Variants in PDPN observed in about 807,000 individuals in gnomAD.
PDPN encodes the protein PA2.26 antigen.
A neutral mutation model predicts 23.2 loss-of-function variants in PDPN; 12 were observed. That is an observed-to-expected ratio of 0.52 (90% confidence interval 0.33 to 0.84). PDPN has a LOEUF of 0.84. PDPN is among the 40% of genes least tolerant of loss of function. The probability of loss-of-function intolerance (pLI) is 0.02; values close to 1 mark genes in which losing one functional copy is unlikely to be tolerated. For missense variants in PDPN, 199 were observed against 212.2 expected (o/e 0.94, Z 0.39); for synonymous variants, 77 against 76.7 (o/e 1.00, Z -0.02).
At chr1:13,610,594 G>C (rs2487643) in intron 3 of PDPN, 78 bp downstream of exon 3, 12 of 1,438,530 alleles carry the variant, frequency 8.3e-6, no homozygotes, top group Admixed American at 1.9e-5. Context: ...TCAACAAATA[G>C]AATAATCAAT....
At position 13,614,297 on chromosome 1, in the gene PDPN, C is replaced by G; in HGVS notation, c.371-3C>G. ...TCATGCTTTTTTTCTCTCTCTTGTT[C>G]AGATGGTTTGTCAACAGTGACCCTG... On this transcript the variant is annotated splice_polypyrimidine_tract_variant and splice_region_variant and intron_variant, in intron 4 of 5. Transcript: ENST00000621990. 2.0e-6 allele frequency: 3 copies of G among 1,519,244 alleles called. No homozygotes were observed. The highest frequency in any genetic ancestry group is 2.7e-6 in the Non-Finnish European group (3 of 1,094,678). The allele number at this position is 1,519,244 out of a possible 1,614,324, so 94.1% of individuals were successfully genotyped here.
At chr1:13,588,467 A>G (rs1216853142) in intron 1 of PDPN, among the ~76,000 whole-genome samples, 1 of 151,726 alleles carries the variant, frequency 6.6e-6, no homozygotes, top group African/African-American at 2.4e-5. Context: ...TCCTGCCCCA[A>G]AGAGAAGGGA....
chr1:13,611,739 A>G (rs1370448099), intron 3 of PDPN, among the ~76,000 whole-genome samples: 2 of 152,166 alleles, frequency 1.3e-5, no homozygotes, highest in Admixed American at 6.6e-5. Flanking sequence ...TTTATCCTGT[A>G]TGTTTTACCA....
chr1:13,608,515 C>G (rs1408928361), intron 2 of PDPN, among the ~76,000 whole-genome samples: 3 of 152,194 alleles, frequency 2.0e-5, no homozygotes, highest in African/African-American at 7.2e-5. Context: ...TTTTCTCTGC[C>G]TAGAACACTG....
At chr1:13,600,233 A>C (rs2100243468) in intron 1 of PDPN, among the ~76,000 whole-genome samples, 1 of 152,330 alleles carries the variant, frequency 6.6e-6, no homozygotes, top group Admixed American at 6.5e-5. Context: ...CAGGCATTTT[A>C]GCCCAAAGCT....
At chr1:13,607,532 G>T (rs961041240) in intron 2 of PDPN, among the ~76,000 whole-genome samples, 2 of 152,146 alleles carry the variant, frequency 1.3e-5, no homozygotes, top group Non-Finnish European at 2.9e-5. Flanking sequence ...GACTTAGAAA[G>T]AACCAACATT....
At chr1:13,609,017 C>T (rs76652175) in intron 2 of PDPN, among the ~76,000 whole-genome samples, 1,781 of 152,302 alleles carry the variant, frequency 0.012, 30 homozygotes, top group African/African-American at 0.041. Context: ...AAACTACCCA[C>T]CAGATTTGGC....
chr1:13,610,256 T>G, intron 2 of PDPN, 131 bp from the exon 3 acceptor site: 1 of 677,266 alleles, frequency 1.5e-6, no homozygotes, highest in South Asian at 1.9e-5. Context: ...GTTCATTTTC[T>G]TCTACTTGCA....
chr1:13,615,778 A>C, intron 5 of PDPN, 127 bp from the exon 6 acceptor site: 1 of 886,662 alleles, frequency 1.1e-6, no homozygotes, highest in Non-Finnish European at 1.9e-6. Context: ...GTCAGGAACA[A>C]GAGATGATCA....
intron 2 of PDPN, among the ~76,000 whole-genome samples, chr1:13,608,789 T>C (rs933320088): frequency 7.9e-5 from 12 of 152,206 alleles, no homozygotes; most frequent in Non-Finnish European, 1.2e-4. Context: ...TCCCTACTAC[T>C]GTGTCCATTG....
At chr1:13,585,674 C>T in intron 1 of PDPN, 1 of 1,339,002 alleles carries the variant, frequency 7.5e-7, no homozygotes, top group Non-Finnish European at 9.9e-7. Flanking sequence ...ACCGAAAAAC[C>T]ATCGTTGGTG....
intron 1 of PDPN, among the ~76,000 whole-genome samples, chr1:13,585,930 C>T (rs112674557): frequency 0.017 from 2,652 of 152,164 alleles, 47 homozygotes; most frequent in Non-Finnish European, 0.021. Context: ...TAAGATCCTA[C>T]GCCCTACTGG....
chr1:13,608,112 T>A (rs1557548786), intron 2 of PDPN, among the ~76,000 whole-genome samples: 1 of 129,078 alleles, frequency 7.7e-6, no homozygotes, highest in Non-Finnish European at 1.7e-5. Context: ...CCTCAAAAAA[T>A]AAATAAATAA....
intron 4 of PDPN, 66 bp downstream of exon 4, chr1:13,613,791 T>C: frequency 1.2e-6 from 1 of 849,288 alleles, no homozygotes; most frequent in Admixed American, 1.8e-5. Flanking sequence ...TGAAGCTAAT[T>C]GTTGAGACGA....
chr1:13,610,790 A>G (rs1283743697), intron 3 of PDPN, among the ~76,000 whole-genome samples: 1 of 152,184 alleles, frequency 6.6e-6, no homozygotes, highest in African/African-American at 2.4e-5. Flanking sequence ...GCGGACTCCA[A>G]GTGGATAGAA....
chr1:13,612,202 C>T (rs1640952626), intron 3 of PDPN, among the ~76,000 whole-genome samples: 2 of 152,092 alleles, frequency 1.3e-5, no homozygotes, highest in Admixed American at 6.6e-5. Context: ...GCCAAAATGT[C>T]ATTATAAGCA....
intron 1 of PDPN, among the ~76,000 whole-genome samples, chr1:13,584,791 A>G (rs1056157663): frequency 1.3e-5 from 2 of 152,072 alleles, no homozygotes; most frequent in African/African-American, 4.8e-5. Context: ...ATCTTGGGCA[A>G]CAACATCAGT....
At position 13,615,965 on chromosome 1, in the gene PDPN, G is replaced by A. The variant is rs1570067669; in HGVS notation, c.*54G>A. 4 of 1,564,400 alleles carry A rather than the reference G, an allele frequency of 2.6e-6. No homozygotes were observed. Among genetic ancestry groups the A allele is most frequent in the Non-Finnish European group, 3.5e-6 (4 of 1,134,540 alleles). Reference sequence around the variant, plus strand: ...ACGTGCTTAAAAAAAGACCGTTTCTGACTCTGTGCCCTGTCCCTGAGCTCG... The same window carrying A: ...ACGTGCTTAAAAAAAGACCGTTTCTAACTCTGTGCCCTGTCCCTGAGCTCG... On this transcript the variant is annotated 3_prime_UTR_variant, in exon 6 of 6. Coordinates refer to ENST00000621990, the MANE Select transcript of PDPN (RefSeq NM_006474.5).
chr1:13,615,766 A>G, intron 5 of PDPN, 139 bp from the exon 6 acceptor site: 1 of 822,060 alleles, frequency 1.2e-6, no homozygotes, highest in Non-Finnish European at 2.1e-6. Flanking sequence ...TGGAGGAGGA[A>G]TGTCAGGAAC....
Sources: allele counts gnomAD v4.1 joint callset (sites outside exome capture counted in the v4.1 genomes callset), GRCh38; gene constraint gnomAD v4.1.1; transcripts MANE v1.5; gene names NCBI Gene and HGNC (gene_info 2026-07-23, HGNC 2026-07-21).